HDAC9: variants seen among roughly 807,000 people sequenced by gnomAD.
HDAC9 encodes the protein MEF-2 interacting transcription repressor (MITR) protein.
A neutral mutation model predicts 139.4 loss-of-function variants in HDAC9; 41 were observed. The observed-to-expected ratio is 0.29, with a 90% CI of 0.23 to 0.38. HDAC9 has a LOEUF of 0.38. Ranked by LOEUF, HDAC9 falls within the 10% of genes least tolerant of loss-of-function variation. The pLI, the probability that HDAC9 is intolerant of heterozygous loss-of-function variation, is 1.00. For missense variants in HDAC9, 1,147 were observed against 1,297.0 expected (o/e 0.88, Z 1.78); for synonymous variants, 517 against 476.2 (o/e 1.09, Z -1.12).
At position 18,647,905 on chromosome 7, in the gene HDAC9, T is replaced by G; in HGVS notation, c.1156T>G (p.Leu386Val). Residue 386 changes from leucine to valine, a missense_variant, in exon 10 of 26, where the codon TTA becomes GTA. This residue lies in a region of HDAC9 where 264 missense variants were observed against 273.8 expected (regional missense o/e 0.96). Coordinates refer to ENST00000686413, the MANE Select transcript of HDAC9 (RefSeq NM_178425.4). Reference protein sequence around the residue: ...PASSSHPHVTLEGKPPNSSHQ... With the variant: ...PASSSHPHVTVEGKPPNSSHQ... ...ATCTTCCAGCCACCCTCATGTTACTTTAGAGGGAAAGCCACCCAACAGCAG... is the reference window on the plus strand; with the variant it reads ...ATCTTCCAGCCACCCTCATGTTACTGTAGAGGGAAAGCCACCCAACAGCAG... The G allele has an allele frequency of 6.2e-7, 1 of 1,612,944 alleles. No homozygotes were observed. Among genetic ancestry groups the G allele is most frequent in the South Asian group, 1.1e-5 (1 of 90,986 alleles).
intron 13 of HDAC9, among the ~76,000 whole-genome samples, chr7:18,735,584 A>G (rs1373053127): frequency 2.0e-5 from 3 of 152,016 alleles, no homozygotes; most frequent in Admixed American, 6.6e-5. Context: ...GTTCTGTTCT[A>G]TTGGTCTACA....
At chr7:18,734,179 C>G (rs1163667927) in intron 13 of HDAC9, among the ~76,000 whole-genome samples, 1 of 152,072 alleles carries the variant, frequency 6.6e-6, no homozygotes, top group Non-Finnish European at 1.5e-5. Flanking sequence ...GTATTTCTCA[C>G]AATATATCAA....
chr7:18,306,325 TAC>T (rs1182584162), intron 1 of HDAC9, among the ~76,000 whole-genome samples: 1 of 152,176 alleles, frequency 6.6e-6, no homozygotes, highest in Non-Finnish European at 1.5e-5. Flanking sequence ...ATCCAATCGT[TAC>T]AGTTAGAAGT....
rs113614385 is a variant in HDAC9 at position 18,459,227 on chromosome 7, C to G, written c.-41-37035C>G. Among the ~76,000 whole-genome samples, 1,185 of 152,264 alleles carry G rather than the reference C, an allele frequency of 7.8e-3. 15 individuals are homozygous for G. The highest frequency in any genetic ancestry group is 0.027 in the African/African-American group (1,122 of 41,544). ...CATTCCTTCCTCTCCTTAGCCACAA[C>G]TGCCTGATATCTGTTACTTCCTACT... On this transcript the variant is annotated intron_variant, in intron 1 of 3. Coordinates refer to the HDAC9 transcript ENST00000413509.
intron 23 of HDAC9, chr7:18,949,760 T>C (rs546705198): frequency 1.3e-5 from 2 of 152,214 alleles, no homozygotes; most frequent in South Asian, 4.1e-4. Context: ...AAATCTTCTA[T>C]GGGTTTGTGG....
At chr7:18,900,449 C>T (rs1801597747) in intron 22 of HDAC9, among the ~76,000 whole-genome samples, 1 of 152,132 alleles carries the variant, frequency 6.6e-6, no homozygotes, top group Non-Finnish European at 1.5e-5. Context: ...AGACGCCTTA[C>T]CTTTGCCCTG....
At chr7:18,311,124 T>C (rs1367535246) in intron 1 of HDAC9, among the ~76,000 whole-genome samples, 1 of 150,570 alleles carries the variant, frequency 6.6e-6, no homozygotes, top group Non-Finnish European at 1.5e-5. Context: ...ATGACAAAAA[T>C]AGGTTACTGT....
chr7:18,864,820 T>C (rs1798372403), intron 21 of HDAC9, among the ~76,000 whole-genome samples: 1 of 151,378 alleles, frequency 6.6e-6, no homozygotes, highest in South Asian at 2.1e-4. Context: ...AGTTCTGGAG[T>C]TGGAACGGTG....
chr7:18,603,496 G>A (rs1394626137), intron 6 of HDAC9, among the ~76,000 whole-genome samples: 1 of 151,898 alleles, frequency 6.6e-6, no homozygotes, highest in Non-Finnish European at 1.5e-5. Flanking sequence ...AGAGTTTGAT[G>A]AATCCATTTA....
chr7:18,413,971 A>G (rs1788813110), intron 1 of HDAC9, among the ~76,000 whole-genome samples: 1 of 152,160 alleles, frequency 6.6e-6, no homozygotes, highest in Non-Finnish European at 1.5e-5. Flanking sequence ...TGAAAGTGCT[A>G]ATAAACTCCC....
chr7:18,669,243 A>G (rs1254899515), intron 12 of HDAC9, among the ~76,000 whole-genome samples: 1 of 151,888 alleles, frequency 6.6e-6, no homozygotes. Flanking sequence ...TCCCTTGAAC[A>G]TAACAAGCAC....
intron 1 of HDAC9, among the ~76,000 whole-genome samples, chr7:18,100,255 A>G (rs1318667134): frequency 2.0e-5 from 3 of 151,968 alleles, no homozygotes; most frequent in African/African-American, 7.3e-5. Flanking sequence ...GTTTTGAACA[A>G]TTTGATTTTA....
chr7:18,201,169 C>T (rs1433980610), intron 2 of HDAC9, among the ~76,000 whole-genome samples: 1 of 152,140 alleles, frequency 6.6e-6, no homozygotes. Flanking sequence ...GATCCACTCC[C>T]CATTCCCAGT....
intron 1 of HDAC9, among the ~76,000 whole-genome samples, chr7:18,124,726 T>C (rs191625321): frequency 6.6e-6 from 1 of 152,148 alleles, no homozygotes; most frequent in Non-Finnish European, 1.5e-5. Flanking sequence ...GAGATTGATC[T>C]GGTTCCTTCC....
chr7:18,579,451 A>C (rs936502883), intron 2 of HDAC9, among the ~76,000 whole-genome samples: 2 of 152,214 alleles, frequency 1.3e-5, no homozygotes, highest in African/African-American at 4.8e-5. Flanking sequence ...CTTCCCATGG[A>C]GTTAGCATGC....
chr7:18,333,172 G>A (rs1315950636), intron 1 of HDAC9, among the ~76,000 whole-genome samples: 1 of 151,474 alleles, frequency 6.6e-6, no homozygotes, highest in African/African-American at 2.4e-5. Flanking sequence ...AAACTACTGA[G>A]TCAGAGGCAG....
intron 12 of HDAC9, among the ~76,000 whole-genome samples, chr7:18,722,935 AT>A (rs767992747): frequency 2.1e-4 from 32 of 152,084 alleles, no homozygotes; most frequent in African/African-American, 3.4e-4. Context: ...AACATTTACC[AT>A]TTTTTTTAAT....
intron 1 of HDAC9, among the ~76,000 whole-genome samples, chr7:18,291,701 G>T (rs1797819397): frequency 6.6e-6 from 1 of 152,196 alleles, no homozygotes; most frequent in Middle Eastern, 3.4e-3. Flanking sequence ...GCTTGCTTTT[G>T]CACCCTGGGA....
At chr7:18,405,418 TC>T (rs1176345864) in intron 1 of HDAC9, among the ~76,000 whole-genome samples, 1 of 152,098 alleles carries the variant, frequency 6.6e-6, no homozygotes, top group East Asian at 1.9e-4. Context: ...CCCATAATCA[TC>T]CCCCTATCTT....
Sources: allele counts gnomAD v4.1 joint callset (sites outside exome capture counted in the v4.1 genomes callset), GRCh38; gene constraint gnomAD v4.1.1; regional missense constraint gnomAD v4.1.1; transcripts MANE v1.5; gene names NCBI Gene and HGNC (gene_info 2026-07-23, HGNC 2026-07-21).